Variants in CHD9 observed in about 807,000 individuals in gnomAD.
The protein encoded by CHD9 is ATP-dependent chromatin remodeler CHD9.
A neutral mutation model predicts 316.1 loss-of-function variants in CHD9; 77 were observed. That is an observed-to-expected ratio of 0.24 (90% confidence interval 0.20 to 0.29). CHD9 has a LOEUF of 0.29. Among genes scored for constraint, CHD9 ranks in the 10% least tolerant of loss-of-function variants. CHD9 has a pLI of 1.00. For synonymous variants in CHD9, 1,129 were observed against 1,158.3 expected (o/e 0.97, Z 0.51); for missense variants, 2,763 against 3,438.1 (o/e 0.80, Z 4.91).
intron 3 of CHD9, among the ~76,000 whole-genome samples, chr16:53,218,576 G>A (rs972400985): frequency 6.6e-6 from 1 of 151,960 alleles, no homozygotes; most frequent in Non-Finnish European, 1.5e-5. Context: ...AAGGAATAGC[G>A]GAACCAGTTC....
At chr16:53,101,273 CTTTTTTTTT>C (rs1012377760) in intron 1 of CHD9, among the ~76,000 whole-genome samples, 1 of 124,856 alleles carries the variant, frequency 8.0e-6, no homozygotes, top group Non-Finnish European at 1.7e-5. Context: ...TTTTCCTTTT[CTTTTTTTTT>C]TTTTTTTTTT....
At chr16:53,276,263 C>T (rs1004815626) in intron 24 of CHD9, among the ~76,000 whole-genome samples, 6 of 152,188 alleles carry the variant, frequency 3.9e-5, no homozygotes, top group African/African-American at 1.4e-4. Context: ...TTTACTTCTT[C>T]CCTGCACCTA....
chr16:53,223,688 T>C (rs140561919), intron 4 of CHD9, among the ~76,000 whole-genome samples: 24 of 152,368 alleles, frequency 1.6e-4, no homozygotes, highest in Admixed American at 1.6e-3. Context: ...CATGGTAGGC[T>C]AGGTCAACAT....
At chr16:53,109,437 T>A (rs1157799089) in intron 1 of CHD9, among the ~76,000 whole-genome samples, 1 of 152,040 alleles carries the variant, frequency 6.6e-6, no homozygotes, top group African/African-American at 2.4e-5. Flanking sequence ...GCATTTTTTT[T>A]TTCTCCTACC....
intron 1 of CHD9, among the ~76,000 whole-genome samples, chr16:53,076,605 AAT>A (rs1015307495): frequency 2.4e-4 from 37 of 151,180 alleles, no homozygotes; most frequent in African/African-American, 7.5e-4. Flanking sequence ...GAAAAGAAAA[AAT>A]ATATATATAT....
intron 1 of CHD9, among the ~76,000 whole-genome samples, chr16:53,099,620 A>G (rs925474669): frequency 6.6e-5 from 10 of 152,072 alleles, no homozygotes; most frequent in African/African-American, 2.4e-4. Context: ...TCAGCCAGAC[A>G]GAGGCAACCT....
At chr16:53,112,704 G>C (rs1452671820) in intron 1 of CHD9, among the ~76,000 whole-genome samples, 2 of 152,100 alleles carry the variant, frequency 1.3e-5, no homozygotes, top group Admixed American at 1.3e-4. Flanking sequence ...GAATGCTTAT[G>C]AATATTATCT....
chr16:53,214,140 T>A (rs1481106697), intron 3 of CHD9, among the ~76,000 whole-genome samples: 1 of 152,182 alleles, frequency 6.6e-6, no homozygotes, highest in East Asian at 1.9e-4. Context: ...CATTTGTTAA[T>A]TACGTGCTAT....
intron 1 of CHD9, among the ~76,000 whole-genome samples, chr16:53,077,150 A>T (rs1487078073): frequency 2.0e-5 from 3 of 150,920 alleles, no homozygotes; most frequent in Non-Finnish European, 3.0e-5. Context: ...ACCACGCCTA[A>T]CTAATTTTTG....
intron 1 of CHD9, among the ~76,000 whole-genome samples, chr16:53,104,811 C>CAAA (rs11391135): frequency 1.8e-5 from 2 of 113,574 alleles, no homozygotes; most frequent in East Asian, 5.3e-4. Context: ...AACTCTGTCT[C>CAAA]AAAAAAAAAA....
At chr16:53,255,973 A>G (rs1246135284) in intron 19 of CHD9, among the ~76,000 whole-genome samples, 194 bp downstream of exon 19, 1 of 152,254 alleles carries the variant, frequency 6.6e-6, no homozygotes, top group Non-Finnish European at 1.5e-5. Flanking sequence ...CTTGTGAAAC[A>G]GAATAAATGT....
intron 18 of CHD9, among the ~76,000 whole-genome samples, 186 bp from the exon 19 acceptor site, chr16:53,255,414 T>C (rs1470429796): frequency 6.6e-6 from 1 of 152,220 alleles, no homozygotes; most frequent in Non-Finnish European, 1.5e-5. Flanking sequence ...GTAATTCTTA[T>C]TTTAACAGAG....
chr16:53,076,033 T>C (rs2034493455), intron 1 of CHD9, among the ~76,000 whole-genome samples: 1 of 152,246 alleles, frequency 6.6e-6, no homozygotes, highest in South Asian at 2.1e-4. Flanking sequence ...CATCTTTTCA[T>C]GTGCTTATTG....
chr16:53,189,063 GT>G (rs199971346), intron 2 of CHD9, among the ~76,000 whole-genome samples: 10 of 149,718 alleles, frequency 6.7e-5, no homozygotes, highest in East Asian at 3.9e-4. Flanking sequence ...ATTTCCTTGG[GT>G]TTTTTTTTCA....
intron 29 of CHD9, 104 bp downstream of exon 29, chr16:53,293,156 A>T: frequency 2.0e-6 from 2 of 1,005,614 alleles, no homozygotes; most frequent in Non-Finnish European, 2.9e-6. Context: ...ACATACATAG[A>T]ATGTTGGTCA....
At chr16:53,059,905 A>C (rs2152494467) in intron 1 of CHD9, among the ~76,000 whole-genome samples, 1 of 152,386 alleles carries the variant, frequency 6.6e-6, no homozygotes, top group East Asian at 1.9e-4. Flanking sequence ...GCCACTGTAG[A>C]GTAAAAGCAG....
chr16:53,088,937 C>G (rs890111871), intron 1 of CHD9, among the ~76,000 whole-genome samples: 3 of 151,828 alleles, frequency 2.0e-5, no homozygotes, highest in Non-Finnish European at 4.4e-5. Context: ...TATGGTGAAA[C>G]CCCATCTCTA....
At chr16:53,090,853 C>T (rs1307375921) in intron 1 of CHD9, among the ~76,000 whole-genome samples, 1 of 152,178 alleles carries the variant, frequency 6.6e-6, no homozygotes, top group Admixed American at 6.5e-5. Flanking sequence ...CCTGTCCCAG[C>T]AGAGTCTGGC....
chr16:53,262,122 C>T (rs1008006990), intron 19 of CHD9, among the ~76,000 whole-genome samples: 2 of 152,064 alleles, frequency 1.3e-5, no homozygotes, highest in African/African-American at 4.8e-5. Context: ...CTTTGAAAAT[C>T]GTTTTATGTG....
Sources: allele counts gnomAD v4.1 joint callset (sites outside exome capture counted in the v4.1 genomes callset), GRCh38; gene constraint gnomAD v4.1.1; transcripts MANE v1.5; gene names NCBI Gene and HGNC (gene_info 2026-07-23, HGNC 2026-07-21).